Variants in ABI3BP observed in about 807,000 individuals in gnomAD.
The protein encoded by ABI3BP is ABI family member 3 binding protein, also known as target of Nesh-SH3.
Under a neutral mutation model 268.6 loss-of-function variants are expected in ABI3BP, and 216 were observed. That is an observed-to-expected ratio of 0.80 (90% CI 0.72 to 0.90). The LOEUF (loss-of-function observed/expected upper bound fraction) is 0.90, where lower values mean the gene tolerates loss of function less well. Among genes scored for constraint, ABI3BP ranks in the 40% least tolerant of loss-of-function variants. The pLI is 0.00. For missense variants in ABI3BP, 2,090 were observed against 2,182.4 expected (o/e 0.96, Z 0.84); for synonymous variants, 730 against 730.0 (o/e 1.00, Z 0.00).
At chr3:100,840,223 A>C (rs2098671725) in intron 22 of ABI3BP, 59 bp from the exon 23 acceptor site, 3 of 1,250,458 alleles carry the variant, frequency 2.4e-6, no homozygotes, top group South Asian at 1.4e-5. Context: ...ACTGATGATA[A>C]ATATTACATC....
At chr3:100,805,081 C>G (rs2097665428) in intron 50 of ABI3BP, among the ~76,000 whole-genome samples, 1 of 152,052 alleles carries the variant, frequency 6.6e-6, no homozygotes, top group Non-Finnish European at 1.5e-5. Flanking sequence ...ATCCGAGAAA[C>G]TGCAAAATTT....
chr3:100,832,464 T>C lies in ABI3BP; in HGVS notation c.2315-114A>G, dbSNP rs189581036. 23 of 1,038,624 alleles carry C rather than the reference T, an allele frequency of 2.2e-5. 1 individual carries two copies. The Admixed American group carries it at 6.2e-4, about 28-fold the overall frequency. The allele number at this position is 1,038,624 out of a possible 1,614,324, so 64.3% of individuals were successfully genotyped here. ...GTTAGAGTTTGAGTTGACAGAACTT[T>C]GTCATTTTCGTTTGAAATTTTCTCC... On this transcript the variant is annotated intron_variant, in intron 30 of 67. Transcript: ENST00000471714.
intron 58 of ABI3BP, among the ~76,000 whole-genome samples, chr3:100,779,416 T>C (rs1409951942): frequency 6.6e-6 from 1 of 152,234 alleles, no homozygotes; most frequent in Non-Finnish European, 1.5e-5. Context: ...AACAGGCACC[T>C]TTTTATAATT....
At chr3:100,967,802 A>G (rs2081951462) in intron 1 of ABI3BP, among the ~76,000 whole-genome samples, 1 of 152,232 alleles carries the variant, frequency 6.6e-6, no homozygotes, top group South Asian at 2.1e-4. Context: ...TACAATTTTA[A>G]TCTGCAAATA....
chr3:100,938,668 T>C (rs951664367), intron 1 of ABI3BP, among the ~76,000 whole-genome samples: 3 of 152,156 alleles, frequency 2.0e-5, no homozygotes, highest in Admixed American at 1.3e-4. Context: ...CAAAAAACCA[T>C]GGCAGCTTCA....
Position 100,752,765 on chromosome 3 carries a change from CAG to C in ABI3BP, c.5122+20_5122+21del, listed in dbSNP as rs774558701. The C allele has an allele frequency of 2.8e-5, 45 of 1,608,868 alleles. 1 individual carries two copies. Among genetic ancestry groups the C allele is most frequent in the South Asian group, 2.2e-4 (20 of 90,790 alleles). On this transcript the variant is annotated intron_variant, in intron 66 of 67. Transcript: ENST00000471714. The stretch of plus-strand genomic sequence containing the variant: ...ATTCCCATAAGTTAAGGGCTGAAAA[CAG>C]AGCTGGTAGCTCTGCTTACCTGTGA...
chr3:100,962,424 C>T (rs1378054854), intron 1 of ABI3BP, among the ~76,000 whole-genome samples: 6 of 152,124 alleles, frequency 3.9e-5, no homozygotes, highest in Non-Finnish European at 8.8e-5. Flanking sequence ...TCATCTTTGA[C>T]AATTTAAACA....
intron 1 of ABI3BP, among the ~76,000 whole-genome samples, chr3:100,946,982 A>G (rs969262152): frequency 2.6e-5 from 4 of 152,158 alleles, no homozygotes; most frequent in African/African-American, 7.2e-5. Flanking sequence ...AAATGAAATT[A>G]CGTGTACATT....
rs867718390 is a variant in ABI3BP, at chr3:100,835,743, C to T, written c.2132-83G>A. On this transcript the variant is annotated intron_variant, in intron 27 of 67. Transcript: ENST00000471714. ...ATTTTGAAAATGAATCTTCTTAACC[C>T]TTTAATGTTTTAAATACATTTCTGA... 6 of 1,131,702 alleles carry T rather than the reference C, an allele frequency of 5.3e-6. No individual in the cohort carries two copies. In the African/African-American group the frequency reaches 6.3e-5, roughly 12 times the overall value. 70.1% of individuals were successfully genotyped at this position (1,131,702 alleles called of 1,614,324 possible). A position where few individuals can be genotyped will look rare whatever the true frequency, so the allele number is the denominator to read the frequency against.
intron 63 of ABI3BP, among the ~76,000 whole-genome samples, chr3:100,762,539 T>C (rs1464265250): frequency 6.6e-6 from 1 of 152,234 alleles, no homozygotes; most frequent in African/African-American, 2.4e-5. Flanking sequence ...GTATGCTTTT[T>C]TTATGATCTC....
At chr3:100,854,412 C>A (rs2098915555) in intron 14 of ABI3BP, among the ~76,000 whole-genome samples, 1 of 152,100 alleles carries the variant, frequency 6.6e-6, no homozygotes. Flanking sequence ...AAATAGAGTT[C>A]TTTGAAAAGC....
chr3:100,957,147 A>G (rs1370475792), intron 1 of ABI3BP, among the ~76,000 whole-genome samples: 2 of 152,238 alleles, frequency 1.3e-5, no homozygotes, highest in Admixed American at 6.5e-5. Flanking sequence ...AATCCAAGTA[A>G]GAGATGGTGG....
At chr3:100,840,754 T>C (rs2098683157) in intron 22 of ABI3BP, 66 bp downstream of exon 22, 1 of 1,352,654 alleles carries the variant, frequency 7.4e-7, no homozygotes, top group Non-Finnish European at 1.0e-6. Flanking sequence ...AATGTGAGTC[T>C]GTCAACACAG....
chr3:100,801,720 C>G (rs1359657234), intron 51 of ABI3BP, among the ~76,000 whole-genome samples: 1 of 152,004 alleles, frequency 6.6e-6, no homozygotes, highest in Non-Finnish European at 1.5e-5. Flanking sequence ...TTACATAGTA[C>G]ATCCTTAAGG....
At chr3:100,810,312 G>A in intron 49 of ABI3BP, 100 bp downstream of exon 49, 1 of 991,164 alleles carries the variant, frequency 1.0e-6, no homozygotes, top group Non-Finnish European at 1.5e-6. Flanking sequence ...AAAGTCTGTG[G>A]GCAGAATGAT....
chr3:100,908,603 T>G (rs1031806607), intron 2 of ABI3BP, among the ~76,000 whole-genome samples: 1 of 151,972 alleles, frequency 6.6e-6, no homozygotes, highest in African/African-American at 2.4e-5. Flanking sequence ...AGCGTTCTTA[T>G]ACACCAATAA....
intron 61 of ABI3BP, among the ~76,000 whole-genome samples, chr3:100,772,019 A>C (rs1012354432): frequency 1.3e-5 from 2 of 152,248 alleles, no homozygotes; most frequent in Non-Finnish European, 2.9e-5. Flanking sequence ...CCAAAAAAAG[A>C]CATGTTGTAT....
At chr3:100,944,196 T>C (rs922362281) in intron 1 of ABI3BP, among the ~76,000 whole-genome samples, 1 of 152,206 alleles carries the variant, frequency 6.6e-6, no homozygotes, top group Admixed American at 6.6e-5. Context: ...TTCATGAAGA[T>C]GAAAGTAGAT....
intron 2 of ABI3BP, among the ~76,000 whole-genome samples, chr3:100,908,510 A>G (rs1219807304): frequency 2.6e-5 from 4 of 151,812 alleles, no homozygotes; most frequent in Admixed American, 6.6e-5. Flanking sequence ...TACAAACCCC[A>G]TAATCTCAGC....
Sources: allele counts gnomAD v4.1 joint callset (sites outside exome capture counted in the v4.1 genomes callset), GRCh38; gene constraint gnomAD v4.1.1; transcripts MANE v1.5; gene names NCBI Gene and HGNC (gene_info 2026-07-23, HGNC 2026-07-21).